CTU2: variants seen among roughly 807,000 people sequenced by gnomAD.
The protein encoded by CTU2 is cytoplasmic tRNA 2-thiolation protein 2.
In CTU2, 80 loss-of-function variants were observed where a neutral mutation model predicts 64.1. The ratio of observed to expected loss-of-function variants is 1.25; its 90% CI spans 1.04 to 1.50. CTU2 has a LOEUF of 1.50. CTU2 is among the 40% of genes most tolerant of loss of function. The pLI, the probability that CTU2 is intolerant of heterozygous loss-of-function variation, is 0.00. For missense variants in CTU2, 1,110 were observed against 690.2 expected, an observed-to-expected ratio of 1.61 and a Z score of -6.81; for synonymous variants, 482 against 285.3, an observed-to-expected ratio of 1.69 and a Z score of -6.95.
chr16:88,712,616 C>G lies in CTU2; in HGVS notation c.454-6C>G, dbSNP rs551897407. On this transcript the variant is annotated splice_region_variant and splice_polypyrimidine_tract_variant and intron_variant, in intron 6 of 14. Coordinates refer to ENST00000453996, the MANE Select transcript of CTU2 (RefSeq NM_001012759.3). ...GGCCTCACTGGCGTCTCCCTCATCC[C>G]GGAAGGTGTTCAGCCTGCCACCGTC... is the stretch of plus-strand genomic sequence containing the variant. 9 of 1,608,490 alleles carry G rather than the reference C, an allele frequency of 5.6e-6. No homozygotes were observed. The highest frequency in any genetic ancestry group is 7.6e-6 in the Non-Finnish European group (9 of 1,178,586).
At chr16:88,713,823 G>GGTGGGCCAT in intron 9 of CTU2, 45 bp downstream of exon 9, 6 of 1,609,272 alleles carry the variant, frequency 3.7e-6, no homozygotes, top group Non-Finnish European at 5.1e-6. Context: ...TTGACACCGG[G>GGTGGGCCAT]GTGGGCCATG....
rs1911514516 is a variant in CTU2 at position 88,713,324 on chromosome 16, C to G, written c.750C>G (p.Ile250Met). ...ELLQTLRTHL[I>M]LHMARAHGYS... is the part of the protein sequence containing the mutation. ...CTCTGTGCTTTAGGACCCACCTGAT[C>G]CTCCACATGGCCCGAGCCCACGGCT... is the stretch of plus-strand genomic sequence containing the variant. The change falls in exon 8 of 15, where the codon ATC becomes ATG. Residue 250 changes from isoleucine to methionine, a missense_variant. Ile to Met is a conservative substitution (Grantham distance 10, BLOSUM62 1). Coordinates refer to ENST00000453996, the MANE Select transcript of CTU2 (RefSeq NM_001012759.3). The G allele has an allele frequency of 3.8e-6, 6 of 1,599,184 alleles. No homozygotes were observed. In the South Asian group the frequency reaches 4.4e-5, roughly 12 times the overall value.
rs772631456 is a variant in CTU2, at chr16:88,713,490, C to CACCCCTTCGGCCACCTTT, written c.873+46_873+63dup. 4 of 1,555,842 alleles carry CACCCCTTCGGCCACCTTT rather than the reference C, an allele frequency of 2.6e-6. No individual in the cohort carries two copies. In the African/African-American group the frequency reaches 4.1e-5, roughly 16 times the overall value. ...TGTTCAGGAGGCCCATCCTCACCTT[C>CACCCCTTCGGCCACCTTT]ACCCCTTCGGCCACCTTTACTGGAG... On this transcript the variant is annotated intron_variant, in intron 8 of 14. Transcript: ENST00000453996.
At chr16:88,709,817 T>C (rs1439203459) in intron 2 of CTU2, 121 bp from the exon 3 acceptor site, 1 of 842,818 alleles carries the variant, frequency 1.2e-6, no homozygotes, top group African/African-American at 1.7e-5. Flanking sequence ...AGAGCCTGGA[T>C]GTGAAGATGC....
Position 88,715,204 on chromosome 16 carries a change from CG to C in CTU2, c.1504del (p.Asp502ThrfsTer3), listed in dbSNP as rs1177515296. 1 of 1,612,302 alleles carries C rather than the reference CG, an allele frequency of 6.2e-7. No homozygotes were observed. The highest frequency in any genetic ancestry group is 8.5e-7 in the Non-Finnish European group (1 of 1,179,878). The part of the protein sequence containing the change: ...TQRAWGLQEI[R>X]DCLIEDSDDE... ...TAGGGCCTGGGGCTTGCAGGAGATCCGGGACTGTCTGATTGAGGACAGTGAC... is the reference window on the plus strand; with the variant it reads ...TAGGGCCTGGGGCTTGCAGGAGATCCGGACTGTCTGATTGAGGACAGTGAC... On this transcript the variant is annotated frameshift_variant, in exon 15 of 15. Coordinates refer to ENST00000453996, the MANE Select transcript of CTU2 (RefSeq NM_001012759.3). LOFTEE classifies it low-confidence loss of function (END_TRUNC).
chr16:88,712,156 A>G, intron 5 of CTU2, 118 bp from the exon 6 acceptor site: 1 of 880,242 alleles, frequency 1.1e-6, no homozygotes, highest in Non-Finnish European at 1.9e-6. Flanking sequence ...CAGCTCCGCC[A>G]GGAAGCACCG....
chr16:88,707,730 C>T (rs974140686), intron 2 of CTU2, among the ~76,000 whole-genome samples: 5 of 152,072 alleles, frequency 3.3e-5, no homozygotes, highest in South Asian at 4.1e-4. Context: ...ACTCATAGCT[C>T]CCTGAAGGGA....
rs180789395 is a variant in CTU2, at chr16:88,714,803, C to T, written c.1353-57C>T. The T allele has an allele frequency of 7.1e-4, 1,147 of 1,610,828 alleles. 3 individuals are homozygous for T. The highest frequency in any genetic ancestry group is 7.1e-4 in the Non-Finnish European group (833 of 1,178,666). On this transcript the variant is annotated intron_variant, in intron 12 of 14. Coordinates refer to ENST00000453996, the MANE Select transcript of CTU2 (RefSeq NM_001012759.3). ...GCGGGAGGGGGACCTGTCCTTACCC[C>T]ACACTGCACGGCATTGAGGTGCCAA...
chr16:88,714,688 T>G lies in CTU2; in HGVS notation c.1303T>G (p.Ser435Ala). 6.2e-7 allele frequency: 1 copy of G among 1,612,082 alleles called. No homozygotes were observed. ...ETRTPPGPCCSPGVGWAQRCG... is the reference protein window; with the variant it reads ...ETRTPPGPCCAPGVGWAQRCG... ...CCGGACACCCCCGGGGCCCTGCTGTTCTCCAGGGGTGGGCTGGGCCCAGCG... is the reference window on the plus strand; with the variant it reads ...CCGGACACCCCCGGGGCCCTGCTGTGCTCCAGGGGTGGGCTGGGCCCAGCG... The change falls in exon 12 of 15, where the codon TCT (serine) becomes GCT (alanine). Residue 435 changes from serine to alanine, a missense_variant. Physicochemically the swap from Ser to Ala is moderately conservative, Grantham distance 99. Coordinates refer to ENST00000453996, the MANE Select transcript of CTU2 (RefSeq NM_001012759.3).
Position 88,712,714 on chromosome 16 carries a change from C to A in CTU2, c.546C>A (p.Leu182=), listed in dbSNP as rs576693564. 6 of 1,609,912 alleles carry A rather than the reference C, an allele frequency of 3.7e-6. No individual in the cohort carries two copies. The highest frequency in any genetic ancestry group is 5.1e-6 in the Non-Finnish European group (6 of 1,179,196). The change falls in exon 7 of 15, where the codon CTC becomes CTA. Residue 182 remains leucine, a synonymous_variant. Transcript: ENST00000453996. ...GAYKAAVDSF[L]QQQHVLGAGG... Reference sequence around the variant, plus strand: ...ACAAGGCGGCCGTGGACAGCTTCCTCCAGCAGCAGCATGTGCTGGGGGCCG... The same window carrying A: ...ACAAGGCGGCCGTGGACAGCTTCCTACAGCAGCAGCATGTGCTGGGGGCCG...
Position 88,712,643 on chromosome 16 carries a change from G to T in CTU2, c.475G>T (p.Val159Leu). Residue 159 changes from valine (V) to leucine (L), a missense_variant, in exon 7 of 15, where the codon GTG becomes TTG. Physicochemically the swap from Val to Leu is conservative, Grantham distance 32. Transcript: ENST00000453996. ...LEEVFSLPPS[V>L]LWCSAQELVG... is the part of the protein sequence containing the mutation. Reference sequence around the variant, plus strand: ...GAAGGTGTTCAGCCTGCCACCGTCGGTGCTTTGGTGCTCTGCCCAGGAGCT... The same window carrying T: ...GAAGGTGTTCAGCCTGCCACCGTCGTTGCTTTGGTGCTCTGCCCAGGAGCT... 6.2e-7 allele frequency: 1 copy of T among 1,610,408 alleles called. No homozygotes were observed. Among genetic ancestry groups the T allele is most frequent in the Non-Finnish European group, 8.5e-7 (1 of 1,179,546 alleles).
chr16:88,709,983 G>A lies in CTU2; in HGVS notation c.189G>A (p.Leu63=). Residue 63 remains leucine (L), a synonymous_variant, in exon 3 of 15, where the codon CTG becomes CTA. Coordinates refer to ENST00000453996, the MANE Select transcript of CTU2 (RefSeq NM_001012759.3). ...ACGTCCACAAGTTCAGAGCCATGCTGGGCAAGAACCGGCTCATCTTTCCAG... is the reference window on the plus strand; with the variant it reads ...ACGTCCACAAGTTCAGAGCCATGCTAGGCAAGAACCGGCTCATCTTTCCAG... The part of the protein sequence containing the change: ...AFYVHKFRAM[L]GKNRLIFPGE... The A allele has an allele frequency of 1.2e-6, 2 of 1,613,938 alleles. No individual in the cohort carries two copies. The highest frequency in any genetic ancestry group is 8.5e-7 in the Non-Finnish European group (1 of 1,180,008).
At chr16:88,711,605 G>C in intron 4 of CTU2, 30 bp from the exon 5 acceptor site, 1 of 1,574,102 alleles carries the variant, frequency 6.4e-7, no homozygotes, top group Non-Finnish European at 8.7e-7. Context: ...TTATGGCTGG[G>C]GGCTGAGTCC....
chr16:88,709,661 C>T lies in CTU2; in HGVS notation c.144-277C>T, dbSNP rs550889024. On this transcript the variant is annotated intron_variant, in intron 2 of 14. Transcript: ENST00000453996. ...TCTGAGCGCCTGTGGGGAGGGGTGC[C>T]GGGGCTCTGCCCTCGTTTGCTGGAT... The T allele has an allele frequency of 7.7e-5, 36 of 466,884 alleles. No homozygotes were observed. The East Asian group carries it at 9.1e-4, about 12-fold the overall frequency. 28.9% of individuals were successfully genotyped at this position (466,884 alleles called of 1,614,324 possible).
chr16:88,710,220 C>T lies in CTU2; in HGVS notation c.223-3C>T. The T allele has an allele frequency of 1.2e-6, 2 of 1,614,076 alleles. No homozygotes were observed. Among genetic ancestry groups the T allele is most frequent in the Non-Finnish European group, 1.7e-6 (2 of 1,179,982 alleles). On this transcript the variant is annotated splice_polypyrimidine_tract_variant and splice_region_variant and intron_variant, in intron 3 of 14. Transcript: ENST00000453996. ...GCCCTGAGTGATGTTTTTTCTCCCCCAGGTGCTCTTGGCGTGGTCTGGGGG... is the reference window on the plus strand; with the variant it reads ...GCCCTGAGTGATGTTTTTTCTCCCCTAGGTGCTCTTGGCGTGGTCTGGGGG...
At chr16:88,708,413 T>C (rs1262045358) in intron 2 of CTU2, among the ~76,000 whole-genome samples, 1 of 151,744 alleles carries the variant, frequency 6.6e-6, no homozygotes, top group East Asian at 1.9e-4. Context: ...AGACGCAGCA[T>C]GTACACGTGG....
chr16:88,711,721 G>C (rs376318679), intron 5 of CTU2, 26 bp downstream of exon 5: 29 of 1,597,542 alleles, frequency 1.8e-5, no homozygotes, highest in South Asian at 1.3e-4. Flanking sequence ...GCTCCTCCTA[G>C]TCCCTGGCCA....
At position 88,715,294 on chromosome 16, in the gene CTU2, G is replaced by A; in HGVS notation, c.*43G>A. ...CCGGGACAGCAGGCAGTGGCCACCT[G>A]GTACACCACACTGGAGCCGGAAGGC... On this transcript the variant is annotated 3_prime_UTR_variant, in exon 15 of 15. Transcript: ENST00000453996. 1 of 1,593,960 alleles carries A rather than the reference G, an allele frequency of 6.3e-7. No homozygotes were observed. The highest frequency in any genetic ancestry group is 8.5e-7 in the Non-Finnish European group (1 of 1,170,236).
intron 5 of CTU2, chr16:88,712,034 C>T: frequency 3.1e-6 from 2 of 651,320 alleles, no homozygotes; most frequent in Non-Finnish European, 5.6e-6. Context: ...GGCCCAGGGG[C>T]CGACTCCCCG....
Sources: gnomAD v4.1 joint callset for allele counts (sites outside exome capture counted in the v4.1 genomes callset) on GRCh38, gnomAD v4.1.1 for gene constraint, MANE v1.5 for transcripts, NCBI Gene and HGNC (gene_info 2026-07-23, HGNC 2026-07-21) for gene names.